Variants in GRIP1 observed in about 807,000 individuals in gnomAD.
The protein encoded by GRIP1 is glutamate receptor-interacting protein 1.
In GRIP1, 45 loss-of-function variants were observed where a neutral mutation model predicts 129.9. The ratio of observed to expected loss-of-function variants is 0.35; its 90% CI spans 0.27 to 0.44. The LOEUF is 0.44. GRIP1 is among the 20% of genes least tolerant of loss of function. The pLI, the probability that GRIP1 is intolerant of heterozygous loss-of-function variation, is 1.00. For synonymous variants in GRIP1, 530 were observed against 520.8 expected (o/e 1.02, Z -0.24); for missense variants, 1,196 against 1,396.8 (o/e 0.86, Z 2.29).
chr12:66,606,257 G>A (rs1366741705), intron 1 of GRIP1, among the ~76,000 whole-genome samples: 3 of 152,134 alleles, frequency 2.0e-5, no homozygotes, highest in Non-Finnish European at 4.4e-5. Context: ...GTGCAAAGTC[G>A]ATGGCAGGAA....
intron 2 of GRIP1, among the ~76,000 whole-genome samples, chr12:66,572,039 C>T (rs1207531563): frequency 2.6e-5 from 4 of 152,058 alleles, no homozygotes; most frequent in African/African-American, 9.7e-5. Context: ...CTAAAAAAAC[C>T]CCACACTTCT....
chr12:66,465,411 T>C lies in GRIP1; in HGVS notation c.736A>G (p.Thr246Ala). ...TCGACTAGTAGTGGCCCGGATGCTG[T>C]TGCCACAGAGTCTGTCAAAGAACAA... ...YDVSVMDSVATASGPLLVEVA... is the reference protein window; with the variant it reads ...YDVSVMDSVAAASGPLLVEVA... Residue 246 changes from threonine (T) to alanine (A), a missense_variant, in exon 8 of 25, where the codon ACA becomes GCA. Physicochemically the swap from Thr to Ala is moderately conservative, Grantham distance 58. Around this residue, in one of 5 missense-constraint regions of GRIP1, gnomAD observed 508 missense variants for 587.0 expected, o/e 0.87. Transcript: ENST00000359742. The C allele has an allele frequency of 6.2e-7, 1 of 1,613,780 alleles. No homozygotes were observed. The highest frequency in any genetic ancestry group is 1.3e-5 in the African/African-American group (1 of 74,998).
At chr12:66,657,614 G>C (rs956257671) in intron 1 of GRIP1, among the ~76,000 whole-genome samples, 8 of 152,178 alleles carry the variant, frequency 5.3e-5, no homozygotes, top group Non-Finnish European at 8.8e-5. Context: ...CTTAAAAGTA[G>C]GGGACATCTG....
chr12:66,587,447 A>G (rs1457692825), intron 2 of GRIP1, among the ~76,000 whole-genome samples: 7 of 152,228 alleles, frequency 4.6e-5, no homozygotes, highest in Non-Finnish European at 1.0e-4. Flanking sequence ...TGTACATAGC[A>G]TAGCCTGACC....
chr12:66,764,587 C>T (rs1002367912), intron 1 of GRIP1, among the ~76,000 whole-genome samples: 12 of 152,156 alleles, frequency 7.9e-5, no homozygotes, highest in Non-Finnish European at 1.0e-4. Flanking sequence ...TACTGAAACC[C>T]CATCTATGAT....
chr12:66,926,723 C>T (rs1269086240), intron 1 of GRIP1, among the ~76,000 whole-genome samples: 1 of 152,198 alleles, frequency 6.6e-6, no homozygotes, highest in Non-Finnish European at 1.5e-5. Context: ...CCAGTCTATG[C>T]CGTGTGCTAC....
rs758909657 is a variant in GRIP1 at position 66,418,682 on chromosome 12, A to T, written c.1838+2038T>A. Among the ~76,000 whole-genome samples, 6 of 152,224 alleles carry T rather than the reference A, an allele frequency of 3.9e-5. No individual in the cohort carries two copies. In the East Asian group the frequency reaches 7.7e-4, roughly 20 times the overall value. On this transcript the variant is annotated intron_variant, in intron 15 of 24. Coordinates refer to ENST00000359742, the MANE Select transcript of GRIP1 (RefSeq NM_001366722.1). ...GAAGACATACAAATGTCTAACAGGC[A>T]TAAGAAAAGATGCTCAACATCAGTG...
At chr12:66,713,360 T>C (rs899787625) in intron 1 of GRIP1, among the ~76,000 whole-genome samples, 3 of 152,030 alleles carry the variant, frequency 2.0e-5, no homozygotes, top group Non-Finnish European at 1.5e-5. Context: ...GTATTAAGAA[T>C]AGTGATAAGT....
intron 2 of GRIP1, among the ~76,000 whole-genome samples, chr12:66,595,633 C>T (rs1245566804): frequency 1.3e-5 from 2 of 152,130 alleles, no homozygotes; most frequent in Non-Finnish European, 2.9e-5. Context: ...TTTCTAAATG[C>T]GACCAGCATG....
intron 2 of GRIP1, among the ~76,000 whole-genome samples, chr12:66,550,483 T>C (rs1271000926): frequency 6.6e-6 from 1 of 152,238 alleles, no homozygotes; most frequent in South Asian, 2.1e-4. Flanking sequence ...TAACTGTTGG[T>C]GAAGTCACAG....
intron 1 of GRIP1, among the ~76,000 whole-genome samples, chr12:66,727,778 G>A (rs985328014): frequency 2.0e-5 from 3 of 152,092 alleles, no homozygotes; most frequent in Admixed American, 2.0e-4. Flanking sequence ...AGACCTATGA[G>A]GATCTATTAA....
chr12:66,942,639 G>A (rs1277121497), intron 1 of GRIP1, among the ~76,000 whole-genome samples: 1 of 152,198 alleles, frequency 6.6e-6, no homozygotes, highest in Non-Finnish European at 1.5e-5. Context: ...AGCAGTGTGT[G>A]CTATGATACT....
In GRIP1 at chr12:66,446,229, T is replaced by C. The variant is rs546915949; in HGVS notation, c.1355-721A>G. On this transcript the variant is annotated intron_variant, in intron 11 of 24. Transcript: ENST00000359742. ...TTCATTTATCTCTCTGATATTCATC[T>C]ACACCTTCCAGCAGACATCTCCATC... Among the ~76,000 whole-genome samples the C allele has an allele frequency of 1.9e-3, 283 of 152,236 alleles. 1 individual carries two copies. The highest frequency in any genetic ancestry group is 5.6e-3 in the African/African-American group (234 of 41,526).
intron 24 of GRIP1, among the ~76,000 whole-genome samples, chr12:66,353,127 G>A (rs1475123802): frequency 6.6e-6 from 1 of 152,172 alleles, no homozygotes; most frequent in Non-Finnish European, 1.5e-5. Flanking sequence ...ACTACTGTGC[G>A]ATGGTGGGAG....
chr12:66,739,414 A>C (rs1021818171), intron 1 of GRIP1, among the ~76,000 whole-genome samples: 1 of 152,094 alleles, frequency 6.6e-6, no homozygotes, highest in Non-Finnish European at 1.5e-5. Context: ...TCACAAGCAG[A>C]AGCTTTATCT....
At position 66,847,051 on chromosome 12, in the gene GRIP1, G is replaced by A. The variant is rs544571513; in HGVS notation, c.58+221999C>T. On this transcript the variant is annotated intron_variant, in intron 1 of 1. Coordinates refer to the GRIP1 transcript ENST00000643019. ...TCCAATAAGGGAGAAGGATGGAGGC[G>A]TGGAATTAATCAGCTGCTCCATAAG... is the stretch of plus-strand genomic sequence containing the variant. Among the ~76,000 whole-genome samples the A allele has an allele frequency of 2.3e-3, 352 of 152,250 alleles. 4 individuals carry two copies. The highest frequency in any genetic ancestry group is 7.7e-3 in the African/African-American group (319 of 41,528).
chr12:66,745,398 G>A lies in GRIP1; in HGVS notation c.-420+58655C>T, dbSNP rs567416417. ...TAGAGTAAATAATAAGGAAAAACAG[G>A]CTGATTAATAAATGTAGTCATTCAT... On this transcript the variant is annotated intron_variant, in intron 1 of 4. Transcript: ENST00000538373. Among the ~76,000 whole-genome samples the A allele has an allele frequency of 2.8e-4, 42 of 152,202 alleles. No individual in the cohort carries two copies. In the South Asian group the frequency reaches 6.4e-3, roughly 23 times the overall value.
At chr12:66,700,426 G>A (rs887333912) in intron 1 of GRIP1, among the ~76,000 whole-genome samples, 2 of 150,404 alleles carry the variant, frequency 1.3e-5, no homozygotes, top group Non-Finnish European at 3.0e-5. Context: ...CAGTGCCAGT[G>A]GCAGCTTTTT....
chr12:67,063,842 C>T (rs1371789825), intron 1 of GRIP1, among the ~76,000 whole-genome samples: 1 of 152,128 alleles, frequency 6.6e-6, no homozygotes, highest in African/African-American at 2.4e-5. Flanking sequence ...CTTTGTTTGA[C>T]CACTGGGCTG....
Sources: gnomAD v4.1 joint callset for allele counts (sites outside exome capture counted in the v4.1 genomes callset) on GRCh38, gnomAD v4.1.1 for gene constraint, gnomAD v4.1.1 regional missense constraint, MANE v1.5 for transcripts, NCBI Gene and HGNC (gene_info 2026-07-23, HGNC 2026-07-21) for gene names.